Variants in NLGN4X observed in about 807,000 individuals in gnomAD.
NLGN4X encodes neuroligin 4 X-linked, also known as neuroligin-4, X-linked.
In NLGN4X, 3 loss-of-function variants were observed where a neutral mutation model predicts 40.3. That is an observed-to-expected ratio of 0.07 (90% CI 0.03 to 0.19). The LOEUF is 0.19. Ranked by LOEUF, NLGN4X falls within the 10% of genes least tolerant of loss-of-function variation. NLGN4X has a pLI of 1.00. For missense variants in NLGN4X, 382 were observed against 708.3 expected (o/e 0.54, Z 5.23); for synonymous variants, 270 against 306.8 (o/e 0.88, Z 1.25).
In NLGN4X at chrX:6,031,866, T is replaced by C. The variant is rs750236091; in HGVS notation, c.473-2434A>G. On this transcript the variant is annotated intron_variant, in intron 2 of 5. Transcript: ENST00000381095. ...GTTGTCTGCATGAGTACCTCAGACC[T>C]ACCATCTTTTAAAAAAAAATCCTTT... 2.6e-3 allele frequency among the ~76,000 whole-genome samples: 287 copies of C among 110,360 alleles called. 1 individual carries two copies. The highest frequency in any genetic ancestry group is 4.7e-3 in the Non-Finnish European group (250 of 52,816).
At chrX:5,989,325 A>C (rs2035618615) in intron 3 of NLGN4X, among the ~76,000 whole-genome samples, 1 of 111,669 alleles carries the variant, frequency 9.0e-6, no homozygotes, top group African/African-American at 3.3e-5. Flanking sequence ...GAAATAAAGA[A>C]GTTTCCAGCA....
intron 3 of NLGN4X, among the ~76,000 whole-genome samples, chrX:5,969,644 T>C (rs2034955249): frequency 9.0e-6 from 1 of 111,058 alleles, no homozygotes; most frequent in Non-Finnish European, 1.9e-5. Context: ...GAACTAGAAA[T>C]ACCATTTGAC....
chrX:6,035,114 C>T (rs62591670), intron 2 of NLGN4X, among the ~76,000 whole-genome samples: 75 of 111,672 alleles, frequency 6.7e-4, no homozygotes, highest in Non-Finnish European at 9.0e-4. Flanking sequence ...TATTTTTGCC[C>T]ATTAAAAAAT....
intron 2 of NLGN4X, among the ~76,000 whole-genome samples, chrX:6,033,596 C>T (rs1403285252): frequency 8.9e-6 from 1 of 111,980 alleles, no homozygotes; most frequent in Non-Finnish European, 1.9e-5. Context: ...TACTAAATAT[C>T]ATTTGAAAGT....
intron 2 of NLGN4X, among the ~76,000 whole-genome samples, chrX:6,099,837 T>C (rs1483403300): frequency 1.8e-5 from 2 of 111,962 alleles, no homozygotes; most frequent in Admixed American, 9.5e-5. Flanking sequence ...TTCTTCTCTG[T>C]TAAGCCAGTA....
rs758171012 is a variant in NLGN4X, at chrX:5,892,762, C to T, written c.*55G>A. ...TCTTTCCTTCTCTCTTTCCTTCCCT[C>T]TTCTATGTTGCTGAGCGGGTAGGGC... On this transcript the variant is annotated 3_prime_UTR_variant, in exon 6 of 6. Coordinates refer to ENST00000381095, the MANE Select transcript of NLGN4X (RefSeq NM_181332.3). The T allele has an allele frequency of 6.7e-6, 8 of 1,190,628 alleles. No individual in the cohort carries two copies. Among genetic ancestry groups the T allele is most frequent in the Admixed American group, 2.2e-5 (1 of 45,390 alleles).
intron 3 of NLGN4X, among the ~76,000 whole-genome samples, chrX:5,919,715 C>A (rs2032953748): frequency 9.0e-6 from 1 of 111,525 alleles, no homozygotes; most frequent in Non-Finnish European, 1.9e-5. Context: ...TTATGAGAAT[C>A]TAATGCCTGA....
Position 6,049,740 on chromosome X carries a change from G to C in NLGN4X, c.473-20308C>G, listed in dbSNP as rs374986698. On this transcript the variant is annotated intron_variant, in intron 2 of 5. Transcript: ENST00000381095. ...AAAGGAAAAATAAAATGGGGGGGGG[G>C]GGCGGTCACAAAATACCTTAAAGAG... Among the ~76,000 whole-genome samples the C allele has an allele frequency of 8.7e-4, 21 of 24,188 alleles. 1 individual carries two copies. The East Asian group carries it at 0.014, about 16-fold the overall frequency. The allele number at this position is 24,188 out of a possible 115,157, so 21.0% of individuals were successfully genotyped here. A position where few individuals can be genotyped will look rare whatever the true frequency, so the allele number is the denominator to read the frequency against.
intron 3 of NLGN4X, among the ~76,000 whole-genome samples, chrX:5,965,138 A>G (rs2034786056): frequency 8.9e-6 from 1 of 111,928 alleles, no homozygotes; most frequent in African/African-American, 3.2e-5. Flanking sequence ...GCTTATCAAA[A>G]GCAGAAAGAG....
intron 1 of NLGN4X, among the ~76,000 whole-genome samples, chrX:6,172,572 C>T (rs2040630986): frequency 8.9e-6 from 1 of 111,894 alleles, no homozygotes; most frequent in Non-Finnish European, 1.9e-5. Flanking sequence ...ACTATTTCAT[C>T]ATATCTCCTA....
chrX:6,082,956 C>CTTTTT (rs1184184483), intron 2 of NLGN4X, among the ~76,000 whole-genome samples: 3 of 45,971 alleles, frequency 6.5e-5, no homozygotes, highest in Non-Finnish European at 1.3e-4. Flanking sequence ...GCGTTTTTTT[C>CTTTTT]TTTTTTTTTT....
chrX:5,919,676 A>G (rs1310512141), intron 3 of NLGN4X, among the ~76,000 whole-genome samples: 1 of 111,438 alleles, frequency 9.0e-6, no homozygotes, highest in East Asian at 2.8e-4. Flanking sequence ...TGTGAACTGC[A>G]CATGTGAGGG....
At chrX:6,162,595 A>G (rs1405748768) in intron 1 of NLGN4X, among the ~76,000 whole-genome samples, 1 of 111,569 alleles carries the variant, frequency 9.0e-6, no homozygotes, top group East Asian at 2.8e-4. Context: ...CTTGCTCCTC[A>G]GCTTGCAGAT....
intron 1 of NLGN4X, among the ~76,000 whole-genome samples, chrX:6,167,239 T>A (rs1257392884): frequency 9.0e-6 from 1 of 110,819 alleles, no homozygotes; most frequent in Non-Finnish European, 1.9e-5. Context: ...TGAGCTTCCC[T>A]AGAGGCCACA....
chrX:5,895,862 T>G (rs371781779), intron 5 of NLGN4X, among the ~76,000 whole-genome samples: 4 of 111,975 alleles, frequency 3.6e-5, no homozygotes, highest in African/African-American at 1.3e-4. Context: ...TACATGGTTT[T>G]GAAAAAATGT....
intron 2 of NLGN4X, among the ~76,000 whole-genome samples, chrX:6,113,696 A>AG (rs2039206337): frequency 9.4e-6 from 1 of 106,810 alleles, no homozygotes; most frequent in African/African-American, 3.4e-5. Flanking sequence ...GCTTGTTTCA[A>AG]AAAAAAAAAA....
intron 4 of NLGN4X, 145 bp downstream of exon 4, chrX:5,908,909 A>C: frequency 1.6e-6 from 1 of 641,255 alleles, no homozygotes; most frequent in Non-Finnish European, 2.4e-6. Flanking sequence ...AAAAGACATG[A>C]AGATGGATTC....
chrX:5,903,021 T>C, intron 5 of NLGN4X, 56 bp downstream of exon 5: 2 of 1,188,637 alleles, frequency 1.7e-6, no homozygotes, highest in Non-Finnish European at 2.3e-6. Context: ...ACACCTATAT[T>C]GAGGACACAA....
At chrX:6,095,260 T>C (rs1372499551) in intron 2 of NLGN4X, among the ~76,000 whole-genome samples, 2 of 110,560 alleles carry the variant, frequency 1.8e-5, no homozygotes, top group Non-Finnish European at 3.8e-5. Flanking sequence ...CTGAAGCATA[T>C]ATGCAATTCT....
Sources: allele counts gnomAD v4.1 joint callset (sites outside exome capture counted in the v4.1 genomes callset), GRCh38; gene constraint gnomAD v4.1.1; transcripts MANE v1.5; gene names NCBI Gene and HGNC (gene_info 2026-07-23, HGNC 2026-07-21).